The following MDGA1 variants were observed in gnomAD, a reference collection of about 807,000 sequenced individuals.
MDGA1 encodes MAM domain-containing glycosylphosphatidylinositol anchor protein 1.
In MDGA1, 54 loss-of-function variants were observed where a neutral mutation model predicts 101.5. That is an observed-to-expected ratio of 0.53 (90% CI 0.43 to 0.67). The LOEUF (loss-of-function observed/expected upper bound fraction) is 0.67, where lower values mean the gene tolerates loss of function less well. Ranked by LOEUF, MDGA1 falls within the 30% of genes least tolerant of loss-of-function variation. The pLI, the probability that MDGA1 is intolerant of heterozygous loss-of-function variation, is 0.00. For synonymous variants in MDGA1, 533 were observed against 558.3 expected (o/e 0.95, Z 0.64); for missense variants, 1,083 against 1,323.8 (o/e 0.82, Z 2.82).
chr6:37,682,218 C>T (rs989363134), intron 1 of MDGA1, among the ~76,000 whole-genome samples: 11 of 152,192 alleles, frequency 7.2e-5, no homozygotes, highest in Non-Finnish European at 4.4e-5. Context: ...GGCGCAGTGG[C>T]TTATGCCTGT....
intron 1 of MDGA1, among the ~76,000 whole-genome samples, chr6:37,684,401 G>C (rs1468165340): frequency 6.6e-6 from 1 of 152,178 alleles, no homozygotes; most frequent in Admixed American, 6.5e-5. Context: ...GATGCAATGA[G>C]GTCTGAGAAT....
At position 37,637,397 on chromosome 6, in the gene MDGA1, C is replaced by T; in HGVS notation, c.2839G>A (p.Ala947Thr). ...QSSPQLWGPM[A>T]IFLLALQR The stretch of plus-strand genomic sequence containing the variant: ...CTCTGCAACGCCAAGAGGAAGATGG[C>T]CATGGGCCCCCACAGCTGTGGGCTG... Residue 947 changes from alanine (A) to threonine (T), a missense_variant, in exon 17 of 17, where the codon GCC becomes ACC. Around this residue, in one of 3 missense-constraint regions of MDGA1, gnomAD observed 657 missense variants for 771.4 expected, o/e 0.85. Coordinates refer to ENST00000434837, the MANE Select transcript of MDGA1 (RefSeq NM_153487.4). The T allele has an allele frequency of 2.5e-6, 4 of 1,613,662 alleles. No homozygotes were observed. Among genetic ancestry groups the T allele is most frequent in the South Asian group, 1.1e-5 (1 of 91,030 alleles).
In MDGA1 at chr6:37,655,393, T is replaced by A. The variant is rs530042840; in HGVS notation, c.579+307A>T. The A allele has an allele frequency of 2.8e-6, 1 of 357,002 alleles. No homozygotes were observed. Among genetic ancestry groups the A allele is most frequent in the African/African-American group, 2.0e-5 (1 of 48,956 alleles). The allele number at this position is 357,002 out of a possible 1,614,324, so 22.1% of individuals were successfully genotyped here. A position where few individuals can be genotyped will look rare whatever the true frequency, so the allele number is the denominator to read the frequency against. On this transcript the variant is annotated intron_variant, in intron 4 of 16. Transcript: ENST00000434837. The surrounding 1 kb of genome is among the most constrained non-coding windows in gnomAD (Gnocchi z 5.1). ...GATCCTGCTGTGCCTGGCCACAGGTTCCCAATACTCTGCCACCCAGCAGCA... is the reference window on the plus strand; with the variant it reads ...GATCCTGCTGTGCCTGGCCACAGGTACCCAATACTCTGCCACCCAGCAGCA...
Position 37,655,845 on chromosome 6 carries a change from C to T in MDGA1, c.434G>A (p.Gly145Asp). 6.2e-7 allele frequency: 1 copy of T among 1,613,610 alleles called. No individual in the cohort carries two copies. The highest frequency in any genetic ancestry group is 8.5e-7 in the Non-Finnish European group (1 of 1,179,768). Residue 145 changes from glycine (G) to aspartate (D), a missense_variant, in exon 4 of 17, where the codon GGC becomes GAC. Gly to Asp is a moderately conservative substitution (Grantham distance 94). Around this residue, in one of 3 missense-constraint regions of MDGA1, gnomAD observed 310 missense variants for 355.9 expected, o/e 0.87. Coordinates refer to ENST00000434837, the MANE Select transcript of MDGA1 (RefSeq NM_153487.4). This position sits in a 1 kb window ranked among gnomAD's most constrained non-coding sequence, Gnocchi z 5.1. ...CACCGTCTTCTCCTGGTAGAAGTTG[C>T]CTCGCACATCGCTCACCGTCTGGTG... is the stretch of plus-strand genomic sequence containing the variant. ...TVHQTVSDVR[G>D]NFYQEKTVFL...
chr6:37,663,818 C>T, intron 2 of MDGA1, 149 bp downstream of exon 2: 1 of 866,628 alleles, frequency 1.2e-6, no homozygotes, highest in Non-Finnish European at 1.7e-6. Context: ...GTTAATTTTC[C>T]TGCTATTTCC....
In MDGA1 at chr6:37,689,644, C is replaced by T. The variant is rs531381894; in HGVS notation, c.67+7101G>A. On this transcript the variant is annotated intron_variant, in intron 1 of 16. Coordinates refer to ENST00000434837, the MANE Select transcript of MDGA1 (RefSeq NM_153487.4). ...AGAGCTGGGATTCAGACCCAGGTTT[C>T]TTATGCAGAGGTCGAGGCTCTTAAC... 4.6e-5 allele frequency among the ~76,000 whole-genome samples: 7 copies of T among 152,328 alleles called. No individual in the cohort carries two copies. In the South Asian group the frequency reaches 1.5e-3, roughly 32 times the overall value.
In MDGA1 at chr6:37,696,646, G is replaced by T; in HGVS notation, c.67+99C>A. 8.4e-7 allele frequency: 1 copy of T among 1,189,116 alleles called. No homozygotes were observed. 73.7% of individuals were successfully genotyped at this position (1,189,116 alleles called of 1,614,324 possible). ...CGCGGGCATCCACTCCAGAGTCCGA[G>T]TCGAGGTCTCCACCAAACCCCGGCA... On this transcript the variant is annotated intron_variant, in intron 1 of 16. Transcript: ENST00000434837. The surrounding 1 kb of genome is among the most constrained non-coding windows in gnomAD (Gnocchi z 5.6).
chr6:37,638,995 C>A lies in MDGA1; in HGVS notation c.2537-328G>T. The A allele has an allele frequency of 3.8e-6, 1 of 262,290 alleles. No individual in the cohort carries two copies. Among genetic ancestry groups the A allele is most frequent in the Admixed American group, 4.4e-5 (1 of 22,824 alleles). The allele number at this position is 262,290 out of a possible 1,614,324, so 16.2% of individuals were successfully genotyped here. On this transcript the variant is annotated intron_variant, in intron 14 of 16. Transcript: ENST00000434837. This position sits in a 1 kb window ranked among gnomAD's most constrained non-coding sequence, Gnocchi z 4.8. The stretch of plus-strand genomic sequence containing the variant: ...TACCCTTCCCCTCTAGGCAAGGGAG[C>A]TGTCCCAGGGCAGTGGGACCTCTGT...
intron 8 of MDGA1, 107 bp downstream of exon 8, chr6:37,650,002 G>A: frequency 1.5e-6 from 2 of 1,329,568 alleles, no homozygotes; most frequent in South Asian, 1.2e-5. Context: ...GGAGTAGCTG[G>A]TGGGGTTTGG....
rs796309196 is a variant in MDGA1 at position 37,633,539 on chromosome 6, G to A, written c.*3829C>T. On this transcript the variant is annotated 3_prime_UTR_variant, in exon 17 of 17. Transcript: ENST00000434837. ...GCTCTTGTGAAGTCACAGGGGAGAG[G>A]AGGGGAAACAGGGTCTCTTCTGTCT... 2 of 152,472 alleles carry A rather than the reference G, an allele frequency of 1.3e-5. No individual in the cohort carries two copies. The highest frequency in any genetic ancestry group is 2.1e-4 in the South Asian group (1 of 4,828). The allele number at this position is 152,472 out of a possible 1,614,324, so 9.4% of individuals were successfully genotyped here. A position where few individuals can be genotyped will look rare whatever the true frequency, so the allele number is the denominator to read the frequency against.
At chr6:37,686,462 C>T (rs939740000) in intron 1 of MDGA1, among the ~76,000 whole-genome samples, 13 of 150,410 alleles carry the variant, frequency 8.6e-5, no homozygotes, top group Admixed American at 6.0e-4. Context: ...GTTTCACTCT[C>T]GTTGCTCAGG....
At chr6:37,667,133 T>G (rs765873586) in intron 1 of MDGA1, among the ~76,000 whole-genome samples, 8 of 152,110 alleles carry the variant, frequency 5.3e-5, no homozygotes, top group Non-Finnish European at 1.0e-4. Context: ...TCCACAGAGG[T>G]GGCCCGGCAG....
At chr6:37,682,873 C>T (rs1561862289) in intron 1 of MDGA1, among the ~76,000 whole-genome samples, 1 of 152,132 alleles carries the variant, frequency 6.6e-6, no homozygotes, top group Non-Finnish European at 1.5e-5. Flanking sequence ...TGCTCTGAGC[C>T]GGACTCATGA....
chr6:37,639,146 C>A (rs1309825500), intron 14 of MDGA1: 1 of 165,626 alleles, frequency 6.0e-6, no homozygotes, highest in African/African-American at 2.4e-5. Flanking sequence ...ATGTTGGGTC[C>A]AGTAAGGCCC....
intron 1 of MDGA1, among the ~76,000 whole-genome samples, chr6:37,669,870 G>T (rs964161740): frequency 2.6e-5 from 4 of 152,250 alleles, no homozygotes; most frequent in Non-Finnish European, 4.4e-5. Flanking sequence ...AAAGAGCATT[G>T]CTGGGGAGAT....
At chr6:37,646,564 T>C (rs540347107) in intron 10 of MDGA1, among the ~76,000 whole-genome samples, 189 bp from the exon 11 acceptor site, 15 of 152,322 alleles carry the variant, frequency 9.8e-5, no homozygotes, top group African/African-American at 3.6e-4. Flanking sequence ...CATTAGTAAG[T>C]CATTTAATCC....
In MDGA1 at chr6:37,683,149, C is replaced by T. The variant is rs571204358; in HGVS notation, c.67+13596G>A. 3.9e-5 allele frequency among the ~76,000 whole-genome samples: 6 copies of T among 152,280 alleles called. 1 individual carries two copies. In the South Asian group the frequency reaches 1.2e-3, roughly 32 times the overall value. On this transcript the variant is annotated intron_variant, in intron 1 of 16. Coordinates refer to ENST00000434837, the MANE Select transcript of MDGA1 (RefSeq NM_153487.4). Reference sequence around the variant, plus strand: ...GGACCCTGTAGATTCTGGGTGTGTCCTTAGTGATGCTCAACCCTGTCCTCC... The same window carrying T: ...GGACCCTGTAGATTCTGGGTGTGTCTTTAGTGATGCTCAACCCTGTCCTCC...
At position 37,655,472 on chromosome 6, in the gene MDGA1, C is replaced by T; in HGVS notation, c.579+228G>A. ...GTGCCTTTTCCTAACTAGCAATGTT[C>T]CTGGAGGACATGTTGCCTCGGGGAC... is the stretch of plus-strand genomic sequence containing the variant. On this transcript the variant is annotated intron_variant, in intron 4 of 16. Transcript: ENST00000434837. This position sits in a 1 kb window ranked among gnomAD's most constrained non-coding sequence, Gnocchi z 5.1. The T allele has an allele frequency of 1.2e-5, 6 of 489,872 alleles. 1 individual carries two copies. Among genetic ancestry groups the T allele is most frequent in the South Asian group, 9.5e-5 (3 of 31,726 alleles). The allele number at this position is 489,872 out of a possible 1,614,324, so 30.3% of individuals were successfully genotyped here.
At chr6:37,670,916 A>G (rs1761855564) in intron 1 of MDGA1, among the ~76,000 whole-genome samples, 4 of 152,162 alleles carry the variant, frequency 2.6e-5, no homozygotes, top group Admixed American at 2.6e-4. Flanking sequence ...CAGGCCTTCC[A>G]CCTGCTAACT....
Sources: gnomAD v4.1 joint callset for allele counts (sites outside exome capture counted in the v4.1 genomes callset) on GRCh38, gnomAD v4.1.1 for gene constraint, gnomAD v4.1.1 regional missense constraint, Gnocchi (gnomAD v3.1) non-coding constraint, MANE v1.5 for transcripts, NCBI Gene and HGNC (gene_info 2026-07-23, HGNC 2026-07-21) for gene names.